INTS6L: variants seen among roughly 807,000 people sequenced by gnomAD.
The protein encoded by INTS6L is integrator complex subunit 6-like.
INTS6L carries 18 observed loss-of-function variants against 64.7 expected under a neutral mutation model. That is an observed-to-expected ratio of 0.28 (90% CI 0.19 to 0.41). INTS6L has a LOEUF of 0.41. Among genes scored for constraint, INTS6L ranks in the 10% least tolerant of loss-of-function variants. The pLI is 1.00. For missense variants in INTS6L, 533 were observed against 661.0 expected (o/e 0.81, Z 2.12); for synonymous variants, 227 against 235.9 (o/e 0.96, Z 0.34).
At chrX:135,561,505 T>C (rs1439226526) in intron 9 of INTS6L, among the ~76,000 whole-genome samples, 2 of 112,009 alleles carry the variant, frequency 1.8e-5, no homozygotes, top group Admixed American at 9.5e-5. Context: ...TTTGTTGTTG[T>C]CTTTGGTTTT....
intron 7 of INTS6L, 112 bp downstream of exon 7, chrX:135,549,917 A>T (rs1410064254): frequency 2.3e-6 from 2 of 854,926 alleles, no homozygotes; most frequent in Non-Finnish European, 3.3e-6. Context: ...CAGGCAAGTA[A>T]GTCTTCCCTC....
chrX:135,567,302 A>G (rs2086977880), intron 9 of INTS6L, among the ~76,000 whole-genome samples: 1 of 111,196 alleles, frequency 9.0e-6, no homozygotes, highest in Non-Finnish European at 1.9e-5. Context: ...CTCTCATCAT[A>G]TCTTCTTTCA....
chrX:135,524,951 A>G (rs1556500368), intron 2 of INTS6L, among the ~76,000 whole-genome samples: 3 of 112,589 alleles, frequency 2.7e-5, no homozygotes, highest in African/African-American at 9.7e-5. Flanking sequence ...GTTGCTTTCT[A>G]GACAAGTTTT....
intron 2 of INTS6L, among the ~76,000 whole-genome samples, chrX:135,532,323 A>G (rs1301946763): frequency 8.9e-6 from 1 of 112,441 alleles, no homozygotes; most frequent in Non-Finnish European, 1.9e-5. Flanking sequence ...AAAGCTCTCC[A>G]CTTTTCTTAA....
intron 2 of INTS6L, among the ~76,000 whole-genome samples, chrX:135,528,557 A>G (rs2085804074): frequency 9.0e-6 from 1 of 111,398 alleles, no homozygotes; most frequent in Admixed American, 9.5e-5. Context: ...ACGGTTCAGC[A>G]TAGCGTCCAC....
chrX:135,523,242 CAAAAA>C (rs782680777), intron 2 of INTS6L, among the ~76,000 whole-genome samples: 46 of 104,518 alleles, frequency 4.4e-4, no homozygotes, highest in Non-Finnish European at 8.0e-4. Context: ...AAAAACAAAA[CAAAAA>C]AAAAAACGGC....
At chrX:135,533,801 GT>G (rs781889862) in intron 2 of INTS6L, among the ~76,000 whole-genome samples, 9 of 112,049 alleles carry the variant, frequency 8.0e-5, no homozygotes, top group South Asian at 3.7e-4. Context: ...TTGTGTATCT[GT>G]CCATAAATGA....
intron 9 of INTS6L, among the ~76,000 whole-genome samples, chrX:135,563,840 T>A (rs1287216181): frequency 1.8e-5 from 2 of 110,008 alleles, no homozygotes; most frequent in African/African-American, 6.7e-5. Context: ...GCTTTCAAGA[T>A]TTATTTCTGC....
At chrX:135,539,450 G>A (rs1435540664) in intron 2 of INTS6L, among the ~76,000 whole-genome samples, 1 of 111,973 alleles carries the variant, frequency 8.9e-6, no homozygotes, top group Non-Finnish European at 1.9e-5. Flanking sequence ...TTAGGCTTTG[G>A]TTTAAGGGAA....
chrX:135,530,437 G>T (rs781865006), intron 2 of INTS6L, among the ~76,000 whole-genome samples: 1 of 111,743 alleles, frequency 8.9e-6, no homozygotes, highest in Non-Finnish European at 1.9e-5. Context: ...TGTAAAAGCA[G>T]CAGGGTAGTC....
At chrX:135,572,641 C>T in intron 11 of INTS6L, 174 bp from the exon 12 acceptor site, 1 of 393,412 alleles carries the variant, frequency 2.5e-6, no homozygotes, top group Non-Finnish European at 4.4e-6. Flanking sequence ...TGCCCCCTAT[C>T]TGTTTGCTGT....
At chrX:135,540,414 A>G (rs1304186334) in intron 2 of INTS6L, among the ~76,000 whole-genome samples, 2 of 111,815 alleles carry the variant, frequency 1.8e-5, no homozygotes, top group African/African-American at 6.5e-5. Flanking sequence ...ACTGATAAAT[A>G]TTAGCTATCA....
Position 135,528,561 on chromosome X carries a change from C to T in INTS6L, c.189+7243C>T, listed in dbSNP as rs141391012. Among the ~76,000 whole-genome samples the T allele has an allele frequency of 8.3e-3, 928 of 111,180 alleles. 13 individuals are homozygous for T. The highest frequency in any genetic ancestry group is 0.029 in the African/African-American group (892 of 30,519). ...GCTACATTTACACGGTTCAGCATAGCGTCCACTTAGCCACGTATGGTTATT... is the reference window on the plus strand; with the variant it reads ...GCTACATTTACACGGTTCAGCATAGTGTCCACTTAGCCACGTATGGTTATT... On this transcript the variant is annotated intron_variant, in intron 2 of 17. Coordinates refer to ENST00000639893, the MANE Select transcript of INTS6L (RefSeq NM_001351601.3).
At position 135,520,915 on chromosome X, in the gene INTS6L, G is replaced by A. The variant is rs187889467; in HGVS notation, c.-78G>A. The stretch of plus-strand genomic sequence containing the variant: ...TGCTCCCCGGCTCTGCGAGAGTTGA[G>A]GGTTCAGGTGGCCGTACGCGGCAGT... On this transcript the variant is annotated 5_prime_UTR_variant, in exon 1 of 18. Coordinates refer to ENST00000639893, the MANE Select transcript of INTS6L (RefSeq NM_001351601.3). The A allele has an allele frequency of 5.9e-4, 605 of 1,024,010 alleles. 1 individual carries two copies. In the African/African-American group the frequency reaches 0.01, roughly 17 times the overall value. 84.4% of individuals were successfully genotyped at this position (1,024,010 alleles called of 1,213,427 possible).
chrX:135,562,606 C>A (rs933847793), intron 9 of INTS6L, among the ~76,000 whole-genome samples: 11 of 111,922 alleles, frequency 9.8e-5, no homozygotes, highest in Admixed American at 1.9e-4. Context: ...AAGTCTCCAA[C>A]TATAATTGTG....
In INTS6L at chrX:135,577,213, A is replaced by C. The variant is rs1556531422; in HGVS notation, c.1905A>C (p.Ala635=). The C allele has an allele frequency of 6.6e-6, 8 of 1,211,703 alleles. No homozygotes were observed. Among genetic ancestry groups the C allele is most frequent in the Non-Finnish European group, 8.9e-6 (8 of 895,363 alleles). ...TTTAGGGAATGATGATTGATGAAGCAGATGAGTTTGTAGCAGGGCCACAAA... is the reference window on the plus strand; with the variant it reads ...TTTAGGGAATGATGATTGATGAAGCCGATGAGTTTGTAGCAGGGCCACAAA... ...QDKKGMMIDE[A]DEFVAGPQNK... The change falls in exon 15 of 18, where the codon GCA becomes GCC. Residue 635 remains alanine, a synonymous_variant. Coordinates refer to ENST00000639893, the MANE Select transcript of INTS6L (RefSeq NM_001351601.3).
chrX:135,534,841 A>G (rs905154543), intron 2 of INTS6L, among the ~76,000 whole-genome samples: 7 of 109,218 alleles, frequency 6.4e-5, no homozygotes, highest in African/African-American at 2.3e-4. Flanking sequence ...TTTGTATGTT[A>G]ATTTTTTGTA....
rs147057504 is a variant in INTS6L at position 135,540,704 on chromosome X, A to C, written c.190-4719A>C. On this transcript the variant is annotated intron_variant, in intron 2 of 17. Coordinates refer to ENST00000639893, the MANE Select transcript of INTS6L (RefSeq NM_001351601.3). ...TTCCCCAGGTGTGGCTTACTATTCA[A>C]GCCTCCTAGCTGCTCCTCCTCCTCC... 7.0e-3 allele frequency among the ~76,000 whole-genome samples: 604 copies of C among 86,171 alleles called. 2 individuals carry two copies. The highest frequency in any genetic ancestry group is 0.023 in the African/African-American group (537 of 22,991). The allele number at this position is 86,171 out of a possible 115,157, so 74.8% of individuals were successfully genotyped here.
At chrX:135,565,452 A>G (rs2086919721) in intron 9 of INTS6L, among the ~76,000 whole-genome samples, 1 of 111,699 alleles carries the variant, frequency 9.0e-6, no homozygotes, top group Non-Finnish European at 1.9e-5. Context: ...CCTCAGCACT[A>G]TGCCAAGTCA....
Sources: allele counts gnomAD v4.1 joint callset (sites outside exome capture counted in the v4.1 genomes callset), GRCh38; gene constraint gnomAD v4.1.1; transcripts MANE v1.5; gene names NCBI Gene and HGNC (gene_info 2026-07-23, HGNC 2026-07-21).